Variants in DIP2C observed in about 807,000 individuals in gnomAD.
The protein encoded by DIP2C is disco-interacting protein 2 homolog C.
In DIP2C, 33 loss-of-function variants were observed where a neutral mutation model predicts 192.4. That is an observed-to-expected ratio of 0.17 (90% CI 0.13 to 0.23). The LOEUF is 0.23. DIP2C is among the 10% of genes least tolerant of loss of function. The probability of loss-of-function intolerance (pLI) is 1.00; values close to 1 mark genes in which losing one functional copy is unlikely to be tolerated. For missense variants in DIP2C, 1,537 were observed against 2,110.1 expected (o/e 0.73, Z 5.32); for synonymous variants, 979 against 864.1 (o/e 1.13, Z -2.33).
intron 1 of DIP2C, among the ~76,000 whole-genome samples, chr10:675,661 G>C (rs1241925357): frequency 2.0e-5 from 3 of 152,142 alleles, no homozygotes; most frequent in African/African-American, 7.2e-5. Context: ...CAACAGAGTG[G>C]AAAACCTAGA....
chr10:542,039 T>C (rs1243374895), intron 1 of DIP2C, among the ~76,000 whole-genome samples: 2 of 152,178 alleles, frequency 1.3e-5, no homozygotes, highest in Admixed American at 6.5e-5. Context: ...GGCTCTTCTA[T>C]CTGCGGGAGC....
intron 1 of DIP2C, among the ~76,000 whole-genome samples, chr10:685,260 C>T (rs1215335366): frequency 1.6e-4 from 24 of 149,672 alleles, no homozygotes; most frequent in Non-Finnish European, 2.4e-4. Flanking sequence ...GGCACGTGCG[C>T]GAGCCTTCAC....
At chr10:505,779 G>A (rs937472475) in intron 1 of DIP2C, among the ~76,000 whole-genome samples, 1 of 151,862 alleles carries the variant, frequency 6.6e-6, no homozygotes, top group Admixed American at 6.6e-5. Context: ...CTGCCCAGCT[G>A]TGCTTCCTGT....
intron 2 of DIP2C, among the ~76,000 whole-genome samples, chr10:477,765 A>G (rs530190921): frequency 0.037 from 2,032 of 55,098 alleles, 60 homozygotes; most frequent in African/African-American, 0.071. Flanking sequence ...GAGAGAGAAG[A>G]AAAAGGAAAA....
chr10:428,101 A>G (rs1251945383), intron 4 of DIP2C, among the ~76,000 whole-genome samples: 1 of 152,240 alleles, frequency 6.6e-6, no homozygotes, highest in African/African-American at 2.4e-5. Flanking sequence ...GATGCATGGT[A>G]CAGCACGGAC....
chr10:421,848 G>A (rs973120501), intron 5 of DIP2C, among the ~76,000 whole-genome samples: 1 of 152,136 alleles, frequency 6.6e-6, no homozygotes, highest in African/African-American at 2.4e-5. Context: ...TCTCCTGCCA[G>A]CAAACTCCTG....
chr10:275,459 T>C lies in DIP2C; in HGVS notation c.*1866A>G, dbSNP rs900730282. The C allele has an allele frequency of 6.8e-6, 1 of 146,298 alleles. No homozygotes were observed. Among genetic ancestry groups the C allele is most frequent in the African/African-American group, 2.6e-5 (1 of 39,212 alleles). 9.1% of individuals were successfully genotyped at this position (146,298 alleles called of 1,614,324 possible). A position where few individuals can be genotyped will look rare whatever the true frequency, so the allele number is the denominator to read the frequency against. On this transcript the variant is annotated 3_prime_UTR_variant, in exon 37 of 37. Transcript: ENST00000280886. ...CACCACATATGCAGACACATTTTTT[T>C]AAATGTGCCACTTTTTTTTTTTTTT... is the stretch of plus-strand genomic sequence containing the variant.
chr10:595,331 C>T (rs1370469580), intron 1 of DIP2C, among the ~76,000 whole-genome samples: 1 of 152,202 alleles, frequency 6.6e-6, no homozygotes, highest in East Asian at 1.9e-4. Context: ...AATATACAAA[C>T]TTGCCATTTT....
rs565404921 is a variant in DIP2C at position 502,213 on chromosome 10, C to CCA, written c.86-15685_86-15684dup. On this transcript the variant is annotated intron_variant, in intron 1 of 36. Coordinates refer to ENST00000280886, the MANE Select transcript of DIP2C (RefSeq NM_014974.3). The stretch of plus-strand genomic sequence containing the variant: ...CCATGCAACCATCTCCCTGATAAGC[C>CCA]CAATCATTTACTGGTCAATGCACAG... 5.5e-3 allele frequency among the ~76,000 whole-genome samples: 841 copies of CCA among 152,152 alleles called. 9 individuals are homozygous for CCA. The highest frequency in any genetic ancestry group is 0.019 in the African/African-American group (795 of 41,498).
At position 377,141 on chromosome 10, in the gene DIP2C, G is replaced by GTTTT. The variant is rs5782549; in HGVS notation, c.1991+5502_1991+5505dup. ...TGCCTCACCCACCCTGTGCAGCGCA[G>GTTTT]TTTTTTTTTTTTTTTTGCACTGAAT... On this transcript the variant is annotated intron_variant, in intron 17 of 36. Coordinates refer to ENST00000280886, the MANE Select transcript of DIP2C (RefSeq NM_014974.3). Among the ~76,000 whole-genome samples the GTTTT allele has an allele frequency of 3.6e-5, 5 of 138,650 alleles. 1 individual carries two copies. The highest frequency in any genetic ancestry group is 4.7e-5 in the Non-Finnish European group (3 of 63,630). 91.0% of individuals were successfully genotyped at this position (138,650 alleles called of 152,430 possible).
chr10:493,116 G>C (rs1357558322), intron 1 of DIP2C, among the ~76,000 whole-genome samples: 2 of 152,194 alleles, frequency 1.3e-5, no homozygotes, highest in Admixed American at 6.5e-5. Context: ...GGCAAGACTG[G>C]GGGCTCTGCA....
intron 1 of DIP2C, among the ~76,000 whole-genome samples, chr10:646,796 C>T (rs1855476777): frequency 6.6e-6 from 1 of 152,236 alleles, no homozygotes; most frequent in Non-Finnish European, 1.5e-5. Context: ...AAATCTGTGA[C>T]TCTCAACTGG....
chr10:397,475 A>C (rs1246564229), intron 10 of DIP2C, among the ~76,000 whole-genome samples: 3 of 150,612 alleles, frequency 2.0e-5, no homozygotes, highest in African/African-American at 7.3e-5. Flanking sequence ...GGTTGCAGTG[A>C]GCTGAAATCG....
chr10:619,541 G>GCCCGCCCTCCCGCCCTCCCGCCCTCCCA, intron 1 of DIP2C, among the ~76,000 whole-genome samples: 1 of 67,896 alleles, frequency 1.5e-5, no homozygotes, highest in African/African-American at 3.5e-5. Flanking sequence ...CCGCCCGCCC[G>GCCCGCCCTCCCGCCCTCCCGCCCTCCCA]CCCTCCCACC....
intron 4 of DIP2C, among the ~76,000 whole-genome samples, chr10:438,262 A>AC (rs1397774001): frequency 1.4e-4 from 21 of 152,198 alleles, no homozygotes; most frequent in African/African-American, 5.1e-4. Context: ...CAAGCAAATA[A>AC]CCACACTGCT....
chr10:493,739 T>C (rs1279953470), intron 1 of DIP2C, among the ~76,000 whole-genome samples: 1 of 152,182 alleles, frequency 6.6e-6, no homozygotes, highest in African/African-American at 2.4e-5. Flanking sequence ...AGGCCGATTA[T>C]CCACCTACAA....
intron 1 of DIP2C, among the ~76,000 whole-genome samples, chr10:507,558 G>A (rs969735354): frequency 2.6e-5 from 4 of 152,176 alleles, no homozygotes; most frequent in Non-Finnish European, 4.4e-5. Context: ...CGAGGTTAGG[G>A]ACTGTGTGCG....
chr10:635,309 C>T (rs920381920), intron 1 of DIP2C, among the ~76,000 whole-genome samples: 3 of 152,242 alleles, frequency 2.0e-5, no homozygotes, highest in African/African-American at 7.2e-5. Flanking sequence ...AGTCCATCAG[C>T]GTCTCCACAT....
At chr10:412,137 C>G (rs929267560) in intron 8 of DIP2C, among the ~76,000 whole-genome samples, 2 of 152,220 alleles carry the variant, frequency 1.3e-5, no homozygotes, top group African/African-American at 4.8e-5. Flanking sequence ...CAACCCTGTT[C>G]AAAGTTCCAG....
Sources: allele counts gnomAD v4.1 joint callset (sites outside exome capture counted in the v4.1 genomes callset), GRCh38; gene constraint gnomAD v4.1.1; transcripts MANE v1.5; gene names NCBI Gene and HGNC (gene_info 2026-07-23, HGNC 2026-07-21).